The following P2RY12 variants were observed in gnomAD, a reference collection of about 807,000 sequenced individuals.
P2RY12 encodes P2Y purinoceptor 12.
A neutral mutation model predicts 4.5 loss-of-function variants in P2RY12; 3 were observed. The ratio of observed to expected loss-of-function variants is 0.67; its 90% CI spans 0.31 to 1.74. P2RY12 has a LOEUF of 1.74. Among genes scored for constraint, P2RY12 ranks in the 40% most tolerant of loss-of-function variants. The pLI, the probability that P2RY12 is intolerant of heterozygous loss-of-function variation, is 0.09. For missense variants in P2RY12, 356 were observed against 407.8 expected, an observed-to-expected ratio of 0.87 and a Z score of 1.09; for synonymous variants, 148 against 154.1, an observed-to-expected ratio of 0.96 and a Z score of 0.29.
chr3:151,376,923 A>G, intron 1 of P2RY12: 1 of 1,610,550 alleles, frequency 6.2e-7, no homozygotes, highest in Non-Finnish European at 8.5e-7. Context: ...TATAAAAAGC[A>G]AAAACACGTT....
chr3:151,380,734 C>T (rs1196066932), intron 1 of P2RY12, among the ~76,000 whole-genome samples: 1 of 151,930 alleles, frequency 6.6e-6, no homozygotes, highest in Non-Finnish European at 1.5e-5. Context: ...GAGATATATA[C>T]AATAAATGTG....
rs768886185 is a variant in P2RY12 at position 151,337,853 on chromosome 3, C to G, written c.993G>C (p.Gln331His). 8.7e-6 allele frequency: 14 copies of G among 1,614,110 alleles called. No homozygotes were observed. The South Asian group carries it at 1.2e-4, about 14-fold the overall frequency. The stretch of plus-strand genomic sequence containing the variant: ...TCTCTTCATTTGGGTCACCACCATC[C>G]TGTTCTTTTTTCCTATTGTCCTGGG... Reference protein sequence around the residue: ...SLSQDNRKKEQDGGDPNEETP... With the variant: ...SLSQDNRKKEHDGGDPNEETP... The change falls in exon 3 of 3, where the codon CAG (glutamine) becomes CAC (histidine). Residue 331 changes from glutamine (Q) to histidine (H), a missense_variant. By Grantham distance (24) the Gln-to-His change is conservative. Transcript: ENST00000302632.
chr3:151,352,103 C>A (rs992905684), intron 1 of P2RY12, among the ~76,000 whole-genome samples: 4 of 152,098 alleles, frequency 2.6e-5, no homozygotes, highest in Non-Finnish European at 5.9e-5. Context: ...ACATGAAACT[C>A]ATTTATGTTT....
intron 1 of P2RY12, among the ~76,000 whole-genome samples, chr3:151,358,215 A>G (rs1167745833): frequency 6.6e-6 from 1 of 152,170 alleles, no homozygotes. Flanking sequence ...CTTTATTTGT[A>G]TTAATTACAT....
rs111430435 is a variant in P2RY12, at chr3:151,384,236, C to A, written c.-180+456G>T. On this transcript the variant is annotated intron_variant, in intron 1 of 2. Coordinates refer to ENST00000302632, the MANE Select transcript of P2RY12 (RefSeq NM_022788.5). ...AACTGAAAGTAAGTTTGAGATCAGC[C>A]TGTATTATGAGCTCAAGTTGTTTAT... The A allele has an allele frequency of 2.0e-5, 31 of 1,587,924 alleles. No homozygotes were observed. The African/African-American group carries it at 2.6e-4, about 13-fold the overall frequency.
chr3:151,372,833 C>T, intron 1 of P2RY12: 2 of 1,297,920 alleles, frequency 1.5e-6, no homozygotes, highest in East Asian at 2.3e-5. Context: ...GCTACTTACA[C>T]TTATAGGAAA....
Position 151,379,320 on chromosome 3 carries a change from A to G in P2RY12, c.-180+5372T>C, listed in dbSNP as rs187466099. ...ACATCAGGGGCTCTTTATTCTGCCC[A>G]TGGAGAATAATGCTGATTGAAATAT... On this transcript the variant is annotated intron_variant, in intron 1 of 2. Transcript: ENST00000302632. Among the ~76,000 whole-genome samples the G allele has an allele frequency of 8.8e-4, 134 of 152,364 alleles. 1 individual carries two copies. Among genetic ancestry groups the G allele is most frequent in the Non-Finnish European group, 1.5e-3 (105 of 68,024 alleles).
intron 1 of P2RY12, among the ~76,000 whole-genome samples, chr3:151,353,181 T>G (rs1398315257): frequency 6.6e-6 from 1 of 152,160 alleles, no homozygotes; most frequent in East Asian, 1.9e-4. Context: ...TTTAAGTCTG[T>G]TGTTATTATT....
At chr3:151,374,214 C>T (rs1379755590) in intron 1 of P2RY12, among the ~76,000 whole-genome samples, 1 of 140,240 alleles carries the variant, frequency 7.1e-6, no homozygotes. Flanking sequence ...TGCTATCCAG[C>T]GCTTTGTCAA....
At chr3:151,368,449 G>GA (rs1755553018) in intron 1 of P2RY12, among the ~76,000 whole-genome samples, 1 of 152,048 alleles carries the variant, frequency 6.6e-6, no homozygotes, top group Non-Finnish European at 1.5e-5. Flanking sequence ...GATATATTGA[G>GA]AAATACGAAT....
intron 1 of P2RY12, among the ~76,000 whole-genome samples, chr3:151,358,475 A>T (rs536106373): frequency 6.6e-6 from 1 of 152,278 alleles, no homozygotes; most frequent in Admixed American, 6.5e-5. Context: ...AAGCTTATTC[A>T]TGCTGTTTAA....
intron 1 of P2RY12, chr3:151,355,041 C>T (rs1753738049): frequency 9.8e-7 from 1 of 1,018,200 alleles, no homozygotes; most frequent in African/African-American, 1.6e-5. Flanking sequence ...GTATGCTATA[C>T]TTTAAAAAAA....
At chr3:151,366,683 C>T (rs544144622) in intron 1 of P2RY12, among the ~76,000 whole-genome samples, 1 of 152,232 alleles carries the variant, frequency 6.6e-6, no homozygotes, top group African/African-American at 2.4e-5. Context: ...ACACCTGCCT[C>T]TCAGTTGAAG....
chr3:151,355,744 T>G (rs906580967), intron 1 of P2RY12: 3 of 569,308 alleles, frequency 5.3e-6, no homozygotes, highest in Non-Finnish European at 8.5e-6. Context: ...TCTTTGTACA[T>G]AGTTTTATAG....
intron 1 of P2RY12, chr3:151,376,897 T>C: frequency 5.0e-6 from 8 of 1,613,024 alleles, no homozygotes; most frequent in Non-Finnish European, 6.8e-6. Context: ...TGAAAGCTTA[T>C]CTCTGTATGA....
intron 1 of P2RY12, chr3:151,368,086 GA>G (rs1755511177): frequency 1.6e-6 from 2 of 1,287,852 alleles, no homozygotes; most frequent in African/African-American, 3.0e-5. Flanking sequence ...AGCTTAATAG[GA>G]AACCTGAAGG....
At chr3:151,376,869 G>A in intron 1 of P2RY12, 2 of 1,613,930 alleles carry the variant, frequency 1.2e-6, no homozygotes, top group Non-Finnish European at 1.7e-6. Context: ...GTGCTTGAAG[G>A]ACCCTGTGAG....
chr3:151,347,821 C>T (rs902331500), intron 1 of P2RY12, among the ~76,000 whole-genome samples: 3 of 152,142 alleles, frequency 2.0e-5, no homozygotes, highest in Admixed American at 6.5e-5. Context: ...CGATGTTACC[C>T]CATTTTTCAG....
chr3:151,347,673 C>T (rs1752697078), intron 1 of P2RY12, among the ~76,000 whole-genome samples: 1 of 151,982 alleles, frequency 6.6e-6, no homozygotes. Context: ...TAAGGCAGTT[C>T]GGTGTGGGTG....
Sources: allele counts gnomAD v4.1 joint callset (sites outside exome capture counted in the v4.1 genomes callset), GRCh38; gene constraint gnomAD v4.1.1; transcripts MANE v1.5; gene names NCBI Gene and HGNC (gene_info 2026-07-23, HGNC 2026-07-21).